The following THOP1 variants were observed in gnomAD, a reference collection of about 807,000 sequenced individuals.
THOP1 encodes thimet oligopeptidase 1, also known as thimet oligopeptidase.
In THOP1, 49 loss-of-function variants were observed where a neutral mutation model predicts 71.8. The observed-to-expected ratio is 0.68, with a 90% CI of 0.54 to 0.87. The LOEUF is 0.87. THOP1 is among the 40% of genes least tolerant of loss of function. THOP1 has a pLI of 0.00. For missense variants in THOP1, 843 were observed against 975.6 expected (o/e 0.86, Z 1.81); for synonymous variants, 426 against 421.5 (o/e 1.01, Z -0.13).
chr19:2,796,817 G>A (rs1432731781), intron 4 of THOP1, among the ~76,000 whole-genome samples: 1 of 152,164 alleles, frequency 6.6e-6, no homozygotes, highest in Non-Finnish European at 1.5e-5. Context: ...GGCAAGGCAG[G>A]TCCACACAGA....
At chr19:2,811,503 G>T in intron 11 of THOP1, 95 bp from the exon 12 acceptor site, 1 of 1,491,766 alleles carries the variant, frequency 6.7e-7, no homozygotes, top group South Asian at 1.3e-5. Context: ...CCCTGTTCCG[G>T]GCAGGGGTCT....
intron 12 of THOP1, chr19:2,812,471 C>T (rs1229683806): frequency 2.2e-6 from 3 of 1,343,494 alleles, no homozygotes; most frequent in Non-Finnish European, 2.9e-6. Flanking sequence ...CCCCTGTCTT[C>T]ACAGCCCAGC....
chr19:2,797,039 C>T (rs1237659798), intron 4 of THOP1, among the ~76,000 whole-genome samples: 1 of 152,180 alleles, frequency 6.6e-6, no homozygotes, highest in Non-Finnish European at 1.5e-5. Context: ...GTCACAGTTC[C>T]CAGGAACTGG....
intron 1 of THOP1, chr19:2,789,921 AT>A: frequency 6.3e-6 from 1 of 159,572 alleles, no homozygotes. Context: ...CGCCCAGCTA[AT>A]TTTTGTATTT....
chr19:2,812,382 A>C (rs1916500004), intron 12 of THOP1: 1 of 1,504,944 alleles, frequency 6.6e-7, no homozygotes, highest in Non-Finnish European at 8.9e-7. Context: ...GGTACCTCGG[A>C]GCCACCAAGC....
rs1442666075 is a variant in THOP1, at chr19:2,804,840, G to GGGGTTAGAT, written c.590-172_590-164dup. On this transcript the variant is annotated intron_variant, in intron 5 of 12. Transcript: ENST00000307741. The surrounding 1 kb of genome is among the most constrained non-coding windows in gnomAD (Gnocchi z 4.7). ...TGGGGGAGCCAGGGTATTTCTTGAT[G>GGGGTTAGAT]GGGTTAGATGGGGGATGTAAGAATT... Among the ~76,000 whole-genome samples the GGGGTTAGAT allele has an allele frequency of 6.6e-6, 1 of 152,122 alleles. No individual in the cohort carries two copies. Among genetic ancestry groups the GGGGTTAGAT allele is most frequent in the Non-Finnish European group, 1.5e-5 (1 of 68,004 alleles).
At chr19:2,807,321 G>T (rs1916317832) in intron 7 of THOP1, 121 bp from the exon 8 acceptor site, 1 of 1,417,150 alleles carries the variant, frequency 7.1e-7, no homozygotes, top group Non-Finnish European at 9.3e-7. Context: ...GGGGTTGCCG[G>T]GAACTGCGGG....
In THOP1 at chr19:2,801,812, C is replaced by T. The variant is rs928741145; in HGVS notation, c.589+2021C>T. ...GCGAGCCGGTTCCACCCAGGTCTCT[C>T]CTCCTCACAAAGCCCCAGGCCCTCT... On this transcript the variant is annotated intron_variant, in intron 5 of 12. Coordinates refer to ENST00000307741, the MANE Select transcript of THOP1 (RefSeq NM_003249.5). This position sits in a 1 kb window ranked among gnomAD's most constrained non-coding sequence, Gnocchi z 5.1. Among the ~76,000 whole-genome samples, 8 of 152,018 alleles carry T rather than the reference C, an allele frequency of 5.3e-5. No homozygotes were observed. Among genetic ancestry groups the T allele is most frequent in the African/African-American group, 1.9e-4 (8 of 41,362 alleles).
At chr19:2,791,819 C>T (rs1436330303) in intron 2 of THOP1, among the ~76,000 whole-genome samples, 2 of 152,206 alleles carry the variant, frequency 1.3e-5, no homozygotes, top group African/African-American at 4.8e-5. Context: ...AATTCGGCCC[C>T]AGTGCTCCCC....
At chr19:2,802,420 GACACCCCCACCTCCCA>G (rs1916172085) in intron 5 of THOP1, among the ~76,000 whole-genome samples, 1 of 32,322 alleles carries the variant, frequency 3.1e-5, no homozygotes. Context: ...CCCACCTCCC[GACACCCCCACCTCCCA>G]ACACCAACAC....
At position 2,805,832 on chromosome 19, in the gene THOP1, GGTGCCCATCACT is replaced by G. The variant is rs1916275132; in HGVS notation, c.750+658_750+669del. ...ACTGATCACTGCAAGGGGACGGGCG[GGTGCCCATCACT>G]GCGGGGGGACGGGCGGGTGCCCATC... On this transcript the variant is annotated intron_variant, in intron 6 of 12. Transcript: ENST00000307741. This position sits in a 1 kb window ranked among gnomAD's most constrained non-coding sequence, Gnocchi z 6.6. Among the ~76,000 whole-genome samples, 1 of 150,570 alleles carries G rather than the reference GGTGCCCATCACT, an allele frequency of 6.6e-6. No homozygotes were observed. Among genetic ancestry groups the G allele is most frequent in the South Asian group, 2.1e-4 (1 of 4,736 alleles).
intron 3 of THOP1, 68 bp from the exon 4 acceptor site, chr19:2,796,013 C>T: frequency 2.3e-6 from 3 of 1,310,866 alleles, no homozygotes; most frequent in Non-Finnish European, 3.3e-6. Flanking sequence ...TTTTAAGAAA[C>T]TGCCAAACTG....
At chr19:2,793,489 A>T (rs530866685) in intron 2 of THOP1, among the ~76,000 whole-genome samples, 10 of 152,022 alleles carry the variant, frequency 6.6e-5, no homozygotes, top group Non-Finnish European at 1.3e-4. Context: ...CAGGAGTTCA[A>T]GACCAGCCTG....
rs1916553847 is a variant in THOP1, at chr19:2,814,002, C to T, written c.*726C>T. The T allele has an allele frequency of 6.6e-6, 1 of 152,414 alleles. No individual in the cohort carries two copies. The highest frequency in any genetic ancestry group is 1.5e-5 in the Non-Finnish European group (1 of 68,200). 9.4% of individuals were successfully genotyped at this position (152,414 alleles called of 1,614,324 possible). Reference sequence around the variant, plus strand: ...CATCCACAGGGGAAGGCCGGGCTCACTCCAGCTTCCTAGGCAGAGTCTCTG... The same window carrying T: ...CATCCACAGGGGAAGGCCGGGCTCATTCCAGCTTCCTAGGCAGAGTCTCTG... On this transcript the variant is annotated 3_prime_UTR_variant, in exon 13 of 13. Coordinates refer to ENST00000307741, the MANE Select transcript of THOP1 (RefSeq NM_003249.5).
At position 2,815,261 on chromosome 19, in the gene THOP1, T is replaced by G. The variant is rs1916575613; in HGVS notation, c.*1985T>G. 6.6e-6 allele frequency: 1 copy of G among 152,294 alleles called. No homozygotes were observed. The highest frequency in any genetic ancestry group is 2.4e-5 in the African/African-American group (1 of 41,418). The allele number at this position is 152,294 out of a possible 1,614,324, so 9.4% of individuals were successfully genotyped here. A position where few individuals can be genotyped will look rare whatever the true frequency, so the allele number is the denominator to read the frequency against. ...AGCTGGGCCCTGGGCCATCACAGCC[T>G]TGTCACACACACAGCCTGGCCCATC... On this transcript the variant is annotated 3_prime_UTR_variant, in exon 13 of 13. Coordinates refer to ENST00000307741, the MANE Select transcript of THOP1 (RefSeq NM_003249.5).
rs772031304 is a variant in THOP1 at position 2,808,286 on chromosome 19, G to A, written c.1297G>A (p.Gly433Ser). The A allele has an allele frequency of 1.6e-5, 25 of 1,564,556 alleles. No homozygotes were observed. The highest frequency in any genetic ancestry group is 3.3e-4 in the Middle Eastern group (2 of 6,000). ...CGCGGCCTGCTTTGGCCTGCAGCCC[G>A]GCTGCCTGCGGCAGGATGGGAGCCG... ...GHAACFGLQP[G>S]CLRQDGSRQI... Residue 433 changes from glycine (G) to serine (S), a missense_variant, in exon 9 of 13, where the codon GGC becomes AGC. By Grantham distance (56) the Gly-to-Ser change is moderately conservative (BLOSUM62 0). Transcript: ENST00000307741.
chr19:2,815,070 A>G lies in THOP1; in HGVS notation c.*1794A>G, dbSNP rs1916571958. 1 of 152,294 alleles carries G rather than the reference A, an allele frequency of 6.6e-6. No individual in the cohort carries two copies. Among genetic ancestry groups the G allele is most frequent in the South Asian group, 2.1e-4 (1 of 4,830 alleles). The allele number at this position is 152,294 out of a possible 1,614,324, so 9.4% of individuals were successfully genotyped here. A position where few individuals can be genotyped will look rare whatever the true frequency, so the allele number is the denominator to read the frequency against. On this transcript the variant is annotated 3_prime_UTR_variant, in exon 13 of 13. Transcript: ENST00000307741. The stretch of plus-strand genomic sequence containing the variant: ...GACTGTCTCTAAAATAACAATAATA[A>G]TAAAATACCTGGGGTTCAGAAAAGA...
intron 9 of THOP1, chr19:2,809,765 T>C (rs530432677): frequency 6.5e-6 from 1 of 154,866 alleles, no homozygotes. Context: ...CCTTGGTGCA[T>C]TCCGTCGGGA....
chr19:2,787,421 TG>T (rs1915773363), intron 1 of THOP1, among the ~76,000 whole-genome samples: 1 of 151,962 alleles, frequency 6.6e-6, no homozygotes. Context: ...ATTTACAGGA[TG>T]AACTGACGTC....
Sources: allele counts gnomAD v4.1 joint callset (sites outside exome capture counted in the v4.1 genomes callset), GRCh38; gene constraint gnomAD v4.1.1; non-coding constraint Gnocchi (gnomAD v3.1); transcripts MANE v1.5; gene names NCBI Gene and HGNC (gene_info 2026-07-23, HGNC 2026-07-21).